WDPCP: variants seen among roughly 807,000 people sequenced by gnomAD.
WDPCP encodes WD repeat-containing and planar cell polarity effector protein fritz homolog.
In WDPCP, 71 loss-of-function variants were observed where a neutral mutation model predicts 93.1. That is an observed-to-expected ratio of 0.76 (90% CI 0.63 to 0.93). The LOEUF (loss-of-function observed/expected upper bound fraction) is 0.93, where lower values mean the gene tolerates loss of function less well. Among genes scored for constraint, WDPCP ranks in the 40% least tolerant of loss-of-function variants. The pLI is 0.00. For missense variants in WDPCP, 844 were observed against 887.4 expected, an observed-to-expected ratio of 0.95 and a Z score of 0.62; for synonymous variants, 315 against 315.0, an observed-to-expected ratio of 1.00 and a Z score of 0.00.
intron 3 of WDPCP, among the ~76,000 whole-genome samples, chr2:63,603,693 C>T (rs1182702511): frequency 7.4e-6 from 1 of 135,656 alleles, no homozygotes; most frequent in African/African-American, 2.8e-5. Flanking sequence ...AGTCTCGCTG[C>T]ATCGCCCATG....
chr2:63,299,886 T>C (rs1003841560), intron 13 of WDPCP, among the ~76,000 whole-genome samples: 4 of 152,092 alleles, frequency 2.6e-5, no homozygotes, highest in Non-Finnish European at 4.4e-5. Flanking sequence ...AGCTGGGAGC[T>C]TGCATGGATG....
intron 13 of WDPCP, among the ~76,000 whole-genome samples, chr2:63,267,457 C>T (rs1559264318): frequency 1.3e-5 from 2 of 152,008 alleles, no homozygotes; most frequent in African/African-American, 2.4e-5. Context: ...TCCAAAAGCA[C>T]AAGCAGCAAA....
intron 2 of WDPCP, among the ~76,000 whole-genome samples, chr2:63,732,510 A>T (rs540437456): frequency 6.6e-6 from 1 of 152,346 alleles, no homozygotes; most frequent in East Asian, 1.9e-4. Flanking sequence ...ATAAGAAATT[A>T]TCAAAGTACT....
At chr2:63,684,411 C>A (rs531592575) in intron 2 of WDPCP, 3 of 821,820 alleles carry the variant, frequency 3.7e-6, no homozygotes, top group Admixed American at 1.9e-5. Context: ...CACCTCAGAT[C>A]GCCCCTACAG....
chr2:63,728,618 T>C (rs959130339), intron 2 of WDPCP, among the ~76,000 whole-genome samples: 18 of 152,218 alleles, frequency 1.2e-4, no homozygotes, highest in East Asian at 1.9e-4. Context: ...ATCCTCATTG[T>C]ACAGATGAGG....
chr2:63,462,048 C>T (rs1179504648), intron 6 of WDPCP, among the ~76,000 whole-genome samples: 10 of 152,206 alleles, frequency 6.6e-5, no homozygotes, highest in Admixed American at 5.9e-4. Flanking sequence ...GACACATGCA[C>T]ACATATGTTT....
At chr2:63,324,198 C>A (rs1230819692) in intron 12 of WDPCP, among the ~76,000 whole-genome samples, 2 of 152,208 alleles carry the variant, frequency 1.3e-5, no homozygotes, top group African/African-American at 2.4e-5. Context: ...GAGTGAAATA[C>A]CTTATGTCCA....
At chr2:63,716,755 A>G (rs979429305) in intron 2 of WDPCP, among the ~76,000 whole-genome samples, 1 of 152,232 alleles carries the variant, frequency 6.6e-6, no homozygotes, top group Non-Finnish European at 1.5e-5. Context: ...GGGGCCAGGA[A>G]TTCCTCAAAT....
In WDPCP at chr2:63,706,287, C is replaced by T. The variant is rs1307757454; in HGVS notation, n.309-55449G>A. Among the ~76,000 whole-genome samples, 11 of 152,112 alleles carry T rather than the reference C, an allele frequency of 7.2e-5. 1 individual carries two copies. The highest frequency in any genetic ancestry group is 7.2e-4 in the Admixed American group (11 of 15,266). ...GTGCCTTTTAATTGGAGCATTTAGC[C>T]CATTTACATTTAAGGTTAGTATTGT... On this transcript the variant is annotated intron_variant and non_coding_transcript_variant, in intron 2 of 4. Transcript: ENST00000467687.
chr2:63,816,727 T>C (rs1280259907), intron 1 of WDPCP, among the ~76,000 whole-genome samples: 1 of 152,162 alleles, frequency 6.6e-6, no homozygotes, highest in African/African-American at 2.4e-5. Flanking sequence ...AAGGCAGCCC[T>C]AGGAAACTAA....
At chr2:63,154,202 G>A (rs967893833) in intron 15 of WDPCP, among the ~76,000 whole-genome samples, 3 of 151,774 alleles carry the variant, frequency 2.0e-5, no homozygotes, top group Non-Finnish European at 4.4e-5. Context: ...AAGGTATAGA[G>A]TTTTGTGAAT....
chr2:63,350,976 T>TTAA (rs112180182), intron 12 of WDPCP, among the ~76,000 whole-genome samples: 11 of 147,900 alleles, frequency 7.4e-5, no homozygotes, highest in East Asian at 4.0e-4. Context: ...TCAACATTTA[T>TTAA]TTATTATTAT....
chr2:63,570,598 A>G (rs958856935), intron 1 of WDPCP, among the ~76,000 whole-genome samples: 1 of 152,254 alleles, frequency 6.6e-6, no homozygotes, highest in Non-Finnish European at 1.5e-5. Flanking sequence ...ATCTAGGTAG[A>G]TGATCATTAT....
intron 9 of WDPCP, among the ~76,000 whole-genome samples, chr2:63,412,329 C>A (rs1695078675): frequency 6.6e-6 from 1 of 152,064 alleles, no homozygotes; most frequent in African/African-American, 2.4e-5. Context: ...AAATCCAGCA[C>A]CCCTTTATGA....
At chr2:63,462,346 G>A (rs924884901) in intron 6 of WDPCP, among the ~76,000 whole-genome samples, 1 of 152,154 alleles carries the variant, frequency 6.6e-6, no homozygotes, top group African/African-American at 2.4e-5. Context: ...ACCGGGGCCT[G>A]TCATGGGGTC....
intron 12 of WDPCP, among the ~76,000 whole-genome samples, chr2:63,367,752 A>G (rs756580946): frequency 6.6e-6 from 1 of 152,214 alleles, no homozygotes; most frequent in Non-Finnish European, 1.5e-5. Flanking sequence ...CCAAAGAACT[A>G]TAGTGGCTGG....
At chr2:63,384,498 C>G (rs976203075) in intron 10 of WDPCP, among the ~76,000 whole-genome samples, 7 of 151,284 alleles carry the variant, frequency 4.6e-5, no homozygotes, top group African/African-American at 1.7e-4. Flanking sequence ...TTTACACATA[C>G]ACACACACAC....
intron 6 of WDPCP, among the ~76,000 whole-genome samples, chr2:63,472,491 A>G (rs983808692): frequency 1.1e-4 from 17 of 151,974 alleles, no homozygotes; most frequent in African/African-American, 4.1e-4. Context: ...TTATAGGGAT[A>G]TTTCAACTTT....
intron 13 of WDPCP, among the ~76,000 whole-genome samples, chr2:63,271,802 C>A (rs994153242): frequency 1.3e-5 from 2 of 152,140 alleles, no homozygotes; most frequent in Non-Finnish European, 1.5e-5. Flanking sequence ...AGGCCCACCC[C>A]GCCTGCTGCC....
Sources: gnomAD v4.1 joint callset for allele counts (sites outside exome capture counted in the v4.1 genomes callset) on GRCh38, gnomAD v4.1.1 for gene constraint, MANE v1.5 for transcripts, NCBI Gene and HGNC (gene_info 2026-07-23, HGNC 2026-07-21) for gene names.